The following RBBP9 variants were observed in gnomAD, a reference collection of about 807,000 sequenced individuals.
RBBP9 encodes the protein RB binding protein 9, serine hydrolase.
A neutral mutation model predicts 24.2 loss-of-function variants in RBBP9; 20 were observed. The observed-to-expected ratio is 0.83, with a 90% CI of 0.58 to 1.20. The LOEUF is 1.20. Ranked by LOEUF, RBBP9 falls within the 50% of genes most tolerant of loss-of-function variation. RBBP9 has a pLI of 0.00. For missense variants in RBBP9, 234 were observed against 233.6 expected (o/e 1.00, Z -0.01); for synonymous variants, 74 against 84.6 (o/e 0.87, Z 0.69).
chr20:18,494,123 C>A (rs1170627484), intron 2 of RBBP9, 60 bp from the exon 3 acceptor site: 1 of 1,332,774 alleles, frequency 7.5e-7, no homozygotes, highest in Non-Finnish European at 1.1e-6. Flanking sequence ...GAATCCAACG[C>A]TGCCCCACCT....
rs1480258775 is a variant in RBBP9 at position 18,488,045 on chromosome 20, A to T, written c.*1719T>A. 1 of 151,906 alleles carries T rather than the reference A, an allele frequency of 6.6e-6. No individual in the cohort carries two copies. Among genetic ancestry groups the T allele is most frequent in the African/African-American group, 2.4e-5 (1 of 41,330 alleles). 9.4% of individuals were successfully genotyped at this position (151,906 alleles called of 1,614,324 possible). ...TTGAACGATTAGGGTACCTTTCCTG[A>T]TTTTTTTTGTCTAAGCACATTTAAA... On this transcript the variant is annotated 3_prime_UTR_variant, in exon 5 of 5. Transcript: ENST00000337227.
At chr20:18,495,778 A>G in intron 2 of RBBP9, 60 bp downstream of exon 2, 4 of 1,481,076 alleles carry the variant, frequency 2.7e-6, no homozygotes, top group Non-Finnish European at 3.8e-6. Context: ...CTCTACCACA[A>G]AAATGGTAAT....
At chr20:18,495,817 A>C in intron 2 of RBBP9, 21 bp downstream of exon 2, 1 of 1,541,744 alleles carries the variant, frequency 6.5e-7, no homozygotes, top group Non-Finnish European at 9.0e-7. Context: ...GAGGCTATTT[A>C]AAAACAAGTT....
rs140409239 is a variant in RBBP9 at position 18,490,424 on chromosome 20, T to G, written c.305A>C (p.Asp102Ala). Residue 102 changes from aspartate to alanine, a missense_variant, in exon 4 of 5, where the codon GAC becomes GCC. Coordinates refer to ENST00000337227, the MANE Select transcript of RBBP9 (RefSeq NM_006606.3). The stretch of plus-strand genomic sequence containing the variant: ...TGCACGCTCATTTTCATCCCCCAAG[T>G]CTGATGTGTACGCAGACACTAATAC... ...AIVLVSAYTS[D>A]LGDENERASG... 5.8e-4 allele frequency: 944 copies of G among 1,613,880 alleles called. 2 individuals are homozygous for G. Among genetic ancestry groups the G allele is most frequent in the Admixed American group, 8.8e-4 (53 of 60,014 alleles).
At chr20:18,492,837 G>A (rs1322171386) in intron 3 of RBBP9, among the ~76,000 whole-genome samples, 1 of 152,174 alleles carries the variant, frequency 6.6e-6, no homozygotes, top group East Asian at 1.9e-4. Context: ...ACTAATCAAT[G>A]GCTTGAGAAA....
intron 3 of RBBP9, among the ~76,000 whole-genome samples, chr20:18,491,349 A>G (rs2059864769): frequency 6.6e-6 from 1 of 152,262 alleles, no homozygotes; most frequent in African/African-American, 2.4e-5. Context: ...AAAGGCAGGC[A>G]TGAGTCCTAT....
chr20:18,492,795 G>A (rs1044132025), intron 3 of RBBP9, among the ~76,000 whole-genome samples: 2 of 152,180 alleles, frequency 1.3e-5, no homozygotes, highest in African/African-American at 4.8e-5. Context: ...CCTGCAGTGA[G>A]TTCAAGGATC....
intron 2 of RBBP9, 67 bp downstream of exon 2, chr20:18,495,771 T>C: frequency 6.9e-7 from 1 of 1,458,450 alleles, no homozygotes; most frequent in Non-Finnish European, 9.6e-7. Flanking sequence ...TCTTGTTCTC[T>C]ACCACAAAAA....
chr20:18,495,550 T>C (rs1473641459), intron 2 of RBBP9, among the ~76,000 whole-genome samples: 1 of 135,358 alleles, frequency 7.4e-6, no homozygotes, highest in Non-Finnish European at 1.5e-5. Flanking sequence ...CCCTGCCAAA[T>C]CCCCCTCTGC....
At chr20:18,496,984 G>A (rs1182823063) in intron 1 of RBBP9, 85 bp downstream of exon 1, 2 of 1,065,722 alleles carry the variant, frequency 1.9e-6, no homozygotes, top group East Asian at 2.5e-5. Flanking sequence ...GGGATTAGAC[G>A]CCTATTCAAA....
Position 18,497,168 on chromosome 20 carries a change from G to A in RBBP9, c.-1C>T, listed in dbSNP as rs762884673. The A allele has an allele frequency of 2.5e-6, 4 of 1,612,304 alleles. No homozygotes were observed. Among genetic ancestry groups the A allele is most frequent in the Non-Finnish European group, 3.4e-6 (4 of 1,178,574 alleles). ...TCACTGCCTTGCTAGGAGAAGCCATGAGTGCAGCGAGGCCAGAGTTCCCCA... is the reference window on the plus strand; with the variant it reads ...TCACTGCCTTGCTAGGAGAAGCCATAAGTGCAGCGAGGCCAGAGTTCCCCA... On this transcript the variant is annotated 5_prime_UTR_variant, in exon 1 of 5. Transcript: ENST00000337227.
intron 3 of RBBP9, among the ~76,000 whole-genome samples, chr20:18,492,791 G>A (rs2059870730): frequency 1.3e-5 from 2 of 152,198 alleles, no homozygotes; most frequent in African/African-American, 2.4e-5. Context: ...GAATCCTGCA[G>A]TGAGTTCAAG....
Position 18,497,196 on chromosome 20 carries a change from G to A in RBBP9, c.-29C>T. The stretch of plus-strand genomic sequence containing the variant: ...TGCAGCGAGGCCAGAGTTCCCCAGC[G>A]CGGGTCCAGCGGAGCTGAGCCCAGC... On this transcript the variant is annotated 5_prime_UTR_variant, in exon 1 of 5. Coordinates refer to ENST00000337227, the MANE Select transcript of RBBP9 (RefSeq NM_006606.3). 6.4e-7 allele frequency: 1 copy of A among 1,569,984 alleles called. No homozygotes were observed.
At position 18,494,169 on chromosome 20, in the gene RBBP9, T is replaced by C; in HGVS notation, c.143-106A>G. 3.7e-6 allele frequency: 3 copies of C among 813,762 alleles called. No homozygotes were observed. In the South Asian group the frequency reaches 4.6e-5, roughly 12 times the overall value. 50.4% of individuals were successfully genotyped at this position (813,762 alleles called of 1,614,324 possible). A position where few individuals can be genotyped will look rare whatever the true frequency, so the allele number is the denominator to read the frequency against. ...CAACTATTCAGCAGTTCACAACTTTTAAAACTGCAGGACCACAGCAGGAGA... is the reference window on the plus strand; with the variant it reads ...CAACTATTCAGCAGTTCACAACTTTCAAAACTGCAGGACCACAGCAGGAGA... On this transcript the variant is annotated intron_variant, in intron 2 of 4. Transcript: ENST00000337227.
At position 18,489,851 on chromosome 20, in the gene RBBP9, G is replaced by C; in HGVS notation, c.474C>G (p.His158Gln). The C allele has an allele frequency of 1.2e-6, 2 of 1,614,104 alleles. No homozygotes were observed. The highest frequency in any genetic ancestry group is 1.7e-6 in the Non-Finnish European group (2 of 1,179,962). The change falls in exon 5 of 5, where the codon CAC becomes CAG. Residue 158 changes from histidine to glutamine, a missense_variant. His to Gln is a conservative substitution (Grantham distance 24). Coordinates refer to ENST00000337227, the MANE Select transcript of RBBP9 (RefSeq NM_006606.3). The stretch of plus-strand genomic sequence containing the variant: ...GAAAGTGGCCACAGTCAGTGAATTT[G>C]TGCAATTTGGTTTCCAACCTATCGG... Reference protein sequence around the residue: ...EVADRLETKLHKFTDCGHFQN... With the variant: ...EVADRLETKLQKFTDCGHFQN...
At chr20:18,494,603 C>T (rs1345210783) in intron 2 of RBBP9, among the ~76,000 whole-genome samples, 3 of 152,034 alleles carry the variant, frequency 2.0e-5, no homozygotes. Flanking sequence ...ATCACTTGAA[C>T]CCAGGAGGCA....
chr20:18,489,676 C>A lies in RBBP9; in HGVS notation c.*88G>T. On this transcript the variant is annotated 3_prime_UTR_variant, in exon 5 of 5. Transcript: ENST00000337227. ...TTTTTCAGGCACTTACGGAACTTAA[C>A]TGGATGTTCTATGTGTCTAGTAATC... 1.2e-6 allele frequency: 1 copy of A among 847,112 alleles called. No individual in the cohort carries two copies. Among genetic ancestry groups the A allele is most frequent in the Admixed American group, 2.5e-5 (1 of 39,874 alleles). 52.5% of individuals were successfully genotyped at this position (847,112 alleles called of 1,614,324 possible).
In RBBP9 at chr20:18,489,729, T is replaced by G. The variant is rs779746704; in HGVS notation, c.*35A>C. On this transcript the variant is annotated 3_prime_UTR_variant, in exon 5 of 5. Coordinates refer to ENST00000337227, the MANE Select transcript of RBBP9 (RefSeq NM_006606.3). ...CTGATAGTAGATATTATTCTACTCC[T>G]ATATTGGGATGCAAAATAGCAGAAA... 7.1e-7 allele frequency: 1 copy of G among 1,410,314 alleles called. No individual in the cohort carries two copies. The highest frequency in any genetic ancestry group is 1.0e-6 in the Non-Finnish European group (1 of 998,450). 87.4% of individuals were successfully genotyped at this position (1,410,314 alleles called of 1,614,324 possible).
At chr20:18,495,671 T>A (rs1335644911) in intron 2 of RBBP9, among the ~76,000 whole-genome samples, 167 bp downstream of exon 2, 9 of 150,072 alleles carry the variant, frequency 6.0e-5, no homozygotes, top group Admixed American at 6.0e-4. Context: ...AAGAATTTTC[T>A]ATGGCTTTTG....
Sources: gnomAD v4.1 joint callset for allele counts (sites outside exome capture counted in the v4.1 genomes callset) on GRCh38, gnomAD v4.1.1 for gene constraint, MANE v1.5 for transcripts, NCBI Gene and HGNC (gene_info 2026-07-23, HGNC 2026-07-21) for gene names.